The following STK32A variants were observed in gnomAD, a reference collection of about 807,000 sequenced individuals.
STK32A encodes the protein serine/threonine-protein kinase 32A.
A neutral mutation model predicts 53.2 loss-of-function variants in STK32A; 41 were observed. The observed-to-expected ratio is 0.77, with a 90% CI of 0.60 to 1.00. The LOEUF (loss-of-function observed/expected upper bound fraction) is 1.00, where lower values mean the gene tolerates loss of function less well. STK32A is among the 50% of genes least tolerant of loss of function. STK32A has a pLI of 0.00. For missense variants in STK32A, 458 were observed against 485.8 expected, an observed-to-expected ratio of 0.94 and a Z score of 0.54; for synonymous variants, 166 against 162.8, an observed-to-expected ratio of 1.02 and a Z score of -0.15.
Position 147,351,122 on chromosome 5 carries a change from T to C in STK32A, c.530T>C (p.Ile177Thr). The C allele has an allele frequency of 6.2e-7, 1 of 1,613,984 alleles. No homozygotes were observed. Among genetic ancestry groups the C allele is most frequent in the African/African-American group, 1.3e-5 (1 of 75,030 alleles). The change falls in exon 7 of 13, where the codon ATT becomes ACT. Residue 177 changes from isoleucine (I) to threonine (T), a missense_variant. By Grantham distance (89) the Ile-to-Thr change is moderately conservative. Coordinates refer to ENST00000397936, the MANE Select transcript of STK32A (RefSeq NM_001112724.2). The stretch of plus-strand genomic sequence containing the variant: ...GCGATGCTGCCCAGGGAGACACAGA[T>C]TACCACCATGGCTGGCACCAAGCCT... ...IAAMLPRETQ[I>T]TTMAGTKPYM...
intron 4 of STK32A, among the ~76,000 whole-genome samples, chr5:147,283,470 CAA>C (rs35437278): frequency 0.4 from 56,544 of 141,388 alleles, 11,167 homozygotes; most frequent in Admixed American, 0.47. Context: ...GAAATTGAAA[CAA>C]AAAAAAAAAA....
intron 6 of STK32A, 85 bp downstream of exon 6, chr5:147,343,128 A>G (rs1445566958): frequency 7.0e-6 from 10 of 1,430,650 alleles, no homozygotes; most frequent in Non-Finnish European, 8.8e-6. Flanking sequence ...ATTACACATG[A>G]AAAAGGTATT....
At chr5:147,343,353 C>T (rs142133506) in intron 6 of STK32A, 33 of 483,384 alleles carry the variant, frequency 6.8e-5, no homozygotes, top group Admixed American at 2.7e-4. Flanking sequence ...TAATATAACA[C>T]GCAATCACCT....
At chr5:147,317,717 T>A (rs1349978657) in intron 4 of STK32A, among the ~76,000 whole-genome samples, 1 of 152,114 alleles carries the variant, frequency 6.6e-6, no homozygotes, top group Non-Finnish European at 1.5e-5. Context: ...GCCACATACA[T>A]CAATGGCAGT....
chr5:147,255,925 G>C (rs1253103807), intron 2 of STK32A, among the ~76,000 whole-genome samples: 2 of 152,182 alleles, frequency 1.3e-5, no homozygotes, highest in African/African-American at 2.4e-5. Context: ...TGTCTAAATA[G>C]ACGTGAGAGT....
In STK32A at chr5:147,384,697, G is replaced by A. The variant is rs781060377; in HGVS notation, c.*714G>A. On this transcript the variant is annotated 3_prime_UTR_variant, in exon 13 of 13. Coordinates refer to ENST00000397936, the MANE Select transcript of STK32A (RefSeq NM_001112724.2). ...ACACCACGGAAACTGGTAAATGCTC[G>A]TTTTTTCCCTCCTAACAAGTGAATT... The A allele has an allele frequency of 3.4e-5, 13 of 382,710 alleles. No individual in the cohort carries two copies. Among genetic ancestry groups the A allele is most frequent in the South Asian group, 1.4e-4 (2 of 14,072 alleles). The allele number at this position is 382,710 out of a possible 1,614,324, so 23.7% of individuals were successfully genotyped here. A position where few individuals can be genotyped will look rare whatever the true frequency, so the allele number is the denominator to read the frequency against.
chr5:147,363,732 T>C (rs1283548911), intron 8 of STK32A, among the ~76,000 whole-genome samples: 3 of 152,230 alleles, frequency 2.0e-5, no homozygotes, highest in African/African-American at 7.2e-5. Context: ...GATAACTACT[T>C]GATTGTTCAG....
chr5:147,366,032 TAC>T (rs61026081), intron 8 of STK32A, among the ~76,000 whole-genome samples: 90 of 148,682 alleles, frequency 6.1e-4, no homozygotes, highest in East Asian at 1.6e-3. Context: ...TCCCCAGTGC[TAC>T]ACACACACAC....
chr5:147,361,854 T>C (rs1756520569), intron 8 of STK32A, among the ~76,000 whole-genome samples: 1 of 152,222 alleles, frequency 6.6e-6, no homozygotes. Flanking sequence ...ATAATATGGA[T>C]ATTATAAACT....
intron 5 of STK32A, among the ~76,000 whole-genome samples, chr5:147,338,388 T>A (rs1755243830): frequency 6.6e-6 from 1 of 152,214 alleles, no homozygotes; most frequent in African/African-American, 2.4e-5. Flanking sequence ...TGTGAGTCTG[T>A]TAAACCTCTT....
At chr5:147,267,782 C>T (rs2151949857) in intron 2 of STK32A, among the ~76,000 whole-genome samples, 1 of 152,188 alleles carries the variant, frequency 6.6e-6, no homozygotes, top group African/African-American at 2.4e-5. Context: ...GCTTCTTCAC[C>T]TCAGGGTTTG....
At chr5:147,371,070 C>A (rs73262265) in intron 9 of STK32A, among the ~76,000 whole-genome samples, 11,505 of 152,174 alleles carry the variant, frequency 0.076, 1,183 homozygotes, top group African/African-American at 0.22. Flanking sequence ...CGCCAGCCAG[C>A]AACCAGGACT....
At chr5:147,325,311 C>T (rs959032934) in intron 5 of STK32A, among the ~76,000 whole-genome samples, 2 of 147,206 alleles carry the variant, frequency 1.4e-5, no homozygotes, top group Non-Finnish European at 3.0e-5. Flanking sequence ...TTTTTTAAAC[C>T]TTTATATATA....
chr5:147,288,986 C>A lies in STK32A; in HGVS notation c.260+9588C>A, dbSNP rs140481023. On this transcript the variant is annotated intron_variant, in intron 4 of 12. Transcript: ENST00000397936. Reference sequence around the variant, plus strand: ...TCTTACAAATATTCGTTCTTTCCTTCCTTACTTCATGAAGTTATGACATTC... The same window carrying A: ...TCTTACAAATATTCGTTCTTTCCTTACTTACTTCATGAAGTTATGACATTC... 4.6e-3 allele frequency among the ~76,000 whole-genome samples: 699 copies of A among 152,270 alleles called. 5 individuals carry two copies. Among genetic ancestry groups the A allele is most frequent in the African/African-American group, 0.014 (600 of 41,540 alleles).
At chr5:147,391,078 G>A (rs903885818), downstream of STK32A, 1 of 152,628 alleles carries the variant, frequency 6.6e-6, no homozygotes, top group African/African-American at 2.4e-5. Context: ...CAGCCCATGA[G>A]TGTATCTGGG....
chr5:147,320,183 A>G (rs1198395396), intron 4 of STK32A, among the ~76,000 whole-genome samples: 1 of 152,220 alleles, frequency 6.6e-6, no homozygotes, highest in Non-Finnish European at 1.5e-5. Flanking sequence ...AATTTGAAAA[A>G]CACTGCATTG....
chr5:147,328,302 A>T (rs999404604), intron 5 of STK32A, among the ~76,000 whole-genome samples: 12 of 152,020 alleles, frequency 7.9e-5, no homozygotes, highest in Admixed American at 2.0e-4. Context: ...GTGATGTTTT[A>T]AAAAAAACCA....
chr5:147,348,460 C>T (rs895650210), intron 6 of STK32A, among the ~76,000 whole-genome samples: 3 of 152,110 alleles, frequency 2.0e-5, no homozygotes, highest in Admixed American at 6.6e-5. Context: ...TGAGGGGGGA[C>T]GGGGCGTAAG....
chr5:147,287,808 C>T lies in STK32A; in HGVS notation c.260+8410C>T, dbSNP rs144226921. 4.6e-3 allele frequency among the ~76,000 whole-genome samples: 706 copies of T among 152,138 alleles called. 5 individuals are homozygous for T. Among genetic ancestry groups the T allele is most frequent in the African/African-American group, 0.015 (604 of 41,504 alleles). On this transcript the variant is annotated intron_variant, in intron 4 of 12. Coordinates refer to ENST00000397936, the MANE Select transcript of STK32A (RefSeq NM_001112724.2). ...AAGATACTGTCACTTCACAACCTCCCTTTGTTCAAAGTCACATTTTTCTTC... is the reference window on the plus strand; with the variant it reads ...AAGATACTGTCACTTCACAACCTCCTTTTGTTCAAAGTCACATTTTTCTTC...
Sources: gnomAD v4.1 joint callset for allele counts (sites outside exome capture counted in the v4.1 genomes callset) on GRCh38, gnomAD v4.1.1 for gene constraint, MANE v1.5 for transcripts, NCBI Gene and HGNC (gene_info 2026-07-23, HGNC 2026-07-21) for gene names.